Variants in TET3 observed in about 807,000 individuals in gnomAD.
TET3 encodes the protein methylcytosine dioxygenase TET3.
A neutral mutation model predicts 141.4 loss-of-function variants in TET3; 19 were observed. The ratio of observed to expected loss-of-function variants is 0.13; its 90% CI spans 0.09 to 0.20. TET3 has a LOEUF of 0.20. TET3 is among the 10% of genes least tolerant of loss of function. The probability of loss-of-function intolerance (pLI) is 1.00; values close to 1 mark genes in which losing one functional copy is unlikely to be tolerated. For synonymous variants in TET3, 1,043 were observed against 980.9 expected (o/e 1.06, Z -1.18); for missense variants, 1,874 against 2,356.9 (o/e 0.80, Z 4.24).
intron 6 of TET3, among the ~76,000 whole-genome samples, chr2:74,081,735 G>A (rs886638378): frequency 5.9e-5 from 9 of 152,226 alleles, no homozygotes; most frequent in African/African-American, 1.4e-4. Context: ...TGTGTAGGAC[G>A]TATGTGCCTG....
At chr2:74,128,720 A>T in the TET3 span, among the ~76,000 whole-genome samples, 5 of 151,654 alleles carry the variant, frequency 3.3e-5, no homozygotes, top group Non-Finnish European at 7.4e-5. Flanking sequence ...GGCTGGGCTT[A>T]TGCTTGTAAT....
intron 2 of TET3, chr2:74,002,673 C>T (rs1267959650): frequency 4.9e-6 from 2 of 409,312 alleles, no homozygotes; most frequent in Non-Finnish European, 8.6e-6. Flanking sequence ...CACACCAGCC[C>T]CGCGGCGGGG....
At position 74,107,902 on chromosome 2, in the gene TET3, ATTTT is replaced by A. The variant is rs1691597378; in HGVS notation, c.*5727_*5730del. The A allele has an allele frequency of 1.3e-5, 2 of 152,530 alleles. No homozygotes were observed. Among genetic ancestry groups the A allele is most frequent in the South Asian group, 4.1e-4 (2 of 4,824 alleles). 9.4% of individuals were successfully genotyped at this position (152,530 alleles called of 1,614,324 possible). The stretch of plus-strand genomic sequence containing the variant: ...TTAGTACAGTAAATTTATGCTGATA[ATTTT>A]ATTTTGTATAATTTTTACCTTTTTG... On this transcript the variant is annotated 3_prime_UTR_variant, in exon 12 of 12. Transcript: ENST00000409262.
chr2:74,006,844 C>T (rs150882812), intron 3 of TET3, among the ~76,000 whole-genome samples: 6 of 152,336 alleles, frequency 3.9e-5, no homozygotes, highest in African/African-American at 9.6e-5. Flanking sequence ...CCCTTGTTCT[C>T]AGCGTCTCTA....
chr2:74,012,165 T>C (rs1052208555), intron 3 of TET3, among the ~76,000 whole-genome samples: 9 of 152,106 alleles, frequency 5.9e-5, no homozygotes, highest in African/African-American at 2.2e-4. Context: ...TTTACCATGT[T>C]GCCCAGGCTG....
intron 4 of TET3, among the ~76,000 whole-genome samples, chr2:74,070,623 G>A (rs1354478410): frequency 1.3e-5 from 2 of 152,176 alleles, no homozygotes; most frequent in Non-Finnish European, 2.9e-5. Context: ...TGCATTTCAA[G>A]AGAAATCCAT....
chr2:74,001,874 G>A (rs1237087242), intron 2 of TET3, among the ~76,000 whole-genome samples: 2 of 152,146 alleles, frequency 1.3e-5, no homozygotes, highest in Non-Finnish European at 2.9e-5. Context: ...GGGGTCTTGG[G>A]GGTTACCTCC....
At chr2:74,015,185 T>G (rs1443651562) in intron 3 of TET3, among the ~76,000 whole-genome samples, 1 of 152,118 alleles carries the variant, frequency 6.6e-6, no homozygotes, top group Non-Finnish European at 1.5e-5. Context: ...TCCTAACTCC[T>G]TAGAGAGCCG....
intron 10 of TET3, among the ~76,000 whole-genome samples, chr2:74,095,793 C>T (rs1690790445): frequency 6.6e-6 from 1 of 152,226 alleles, no homozygotes; most frequent in Admixed American, 6.5e-5. Context: ...CTGTAAACCA[C>T]AGGGAGAGGC....
chr2:74,033,968 C>T (rs766209963), intron 3 of TET3, among the ~76,000 whole-genome samples: 3 of 152,030 alleles, frequency 2.0e-5, no homozygotes, highest in Non-Finnish European at 4.4e-5. Flanking sequence ...TAGTGGTGGG[C>T]ACCTGTAATC....
chr2:74,069,246 C>T (rs1236957659), intron 4 of TET3, among the ~76,000 whole-genome samples: 3 of 151,324 alleles, frequency 2.0e-5, no homozygotes, highest in African/African-American at 7.3e-5. Flanking sequence ...CCTAACACTA[C>T]ACATTGAAAG....
chr2:74,006,416 G>T (rs1685151697), intron 3 of TET3, among the ~76,000 whole-genome samples: 1 of 152,222 alleles, frequency 6.6e-6, no homozygotes, highest in Non-Finnish European at 1.5e-5. Context: ...GAATGTCATG[G>T]GAGAGGGAGA....
chr2:74,078,145 A>G (rs1267749116), intron 5 of TET3, among the ~76,000 whole-genome samples: 1 of 152,234 alleles, frequency 6.6e-6, no homozygotes, highest in African/African-American at 2.4e-5. Context: ...TTAGATCAGC[A>G]TTTTAAAAAA....
At chr2:74,090,154 A>G in intron 8 of TET3, 107 bp downstream of exon 8, 1 of 1,496,212 alleles carries the variant, frequency 6.7e-7, no homozygotes, top group Non-Finnish European at 9.0e-7. Flanking sequence ...ATGCACAGGA[A>G]GTGGAACTTG....
intron 3 of TET3, among the ~76,000 whole-genome samples, chr2:74,014,949 A>T (rs897089491): frequency 6.6e-6 from 1 of 152,148 alleles, no homozygotes; most frequent in Non-Finnish European, 1.5e-5. Flanking sequence ...TCCACTGAAA[A>T]CCCATTTCTG....
At chr2:74,122,509 A>ATTTT in the TET3 span, 17 of 76,230 alleles carry the variant, frequency 2.2e-4, no homozygotes, top group African/African-American at 3.4e-4. Context: ...ATATATATAT[A>ATTTT]TATTTTTTTT....
chr2:74,011,679 C>A (rs191970663), intron 3 of TET3, among the ~76,000 whole-genome samples: 1 of 151,976 alleles, frequency 6.6e-6, no homozygotes, highest in East Asian at 1.9e-4. Context: ...AATCCATATC[C>A]TTTTTTTTGC....
the TET3 span, among the ~76,000 whole-genome samples, chr2:74,123,394 G>A: frequency 7.2e-5 from 11 of 152,066 alleles, no homozygotes; most frequent in East Asian, 3.9e-4. Flanking sequence ...CAAGGCGGGC[G>A]GATCACGAGT....
At position 74,107,928 on chromosome 2, in the gene TET3, T is replaced by C. The variant is rs1691599896; in HGVS notation, c.*5752T>C. The C allele has an allele frequency of 6.5e-6, 1 of 153,022 alleles. No individual in the cohort carries two copies. Among genetic ancestry groups the C allele is most frequent in the Non-Finnish European group, 1.5e-5 (1 of 68,040 alleles). 9.5% of individuals were successfully genotyped at this position (153,022 alleles called of 1,614,324 possible). A position where few individuals can be genotyped will look rare whatever the true frequency, so the allele number is the denominator to read the frequency against. On this transcript the variant is annotated 3_prime_UTR_variant, in exon 12 of 12. Coordinates refer to ENST00000409262, the MANE Select transcript of TET3 (RefSeq NM_001287491.2). Reference sequence around the variant, plus strand: ...TTTTATTTTGTATAATTTTTACCTTTTTGTTAATATTTTTTCCTTCCACTT... The same window carrying C: ...TTTTATTTTGTATAATTTTTACCTTCTTGTTAATATTTTTTCCTTCCACTT...
Sources: gnomAD v4.1 joint callset for allele counts (sites outside exome capture counted in the v4.1 genomes callset) on GRCh38, gnomAD v4.1.1 for gene constraint, MANE v1.5 for transcripts, NCBI Gene and HGNC (gene_info 2026-07-23, HGNC 2026-07-21) for gene names.